SPATA16: variants seen among roughly 807,000 people sequenced by gnomAD.
SPATA16 encodes spermatogenesis-associated protein 16.
A neutral mutation model predicts 63.3 loss-of-function variants in SPATA16; 36 were observed. The ratio of observed to expected loss-of-function variants is 0.57; its 90% CI spans 0.44 to 0.75. SPATA16 has a LOEUF of 0.75. Ranked by LOEUF, SPATA16 falls within the 30% of genes least tolerant of loss-of-function variation. The probability of loss-of-function intolerance (pLI) is 0.00; values close to 1 mark genes in which losing one functional copy is unlikely to be tolerated. For synonymous variants in SPATA16, 203 were observed against 216.7 expected, an observed-to-expected ratio of 0.94 and a Z score of 0.56; for missense variants, 646 against 679.3, an observed-to-expected ratio of 0.95 and a Z score of 0.54.
intron 6 of SPATA16, among the ~76,000 whole-genome samples, chr3:172,932,276 G>T (rs1012888047): frequency 1.3e-5 from 2 of 152,156 alleles, no homozygotes; most frequent in African/African-American, 4.8e-5. Flanking sequence ...TTTTTAGAAA[G>T]ATGCAGATTT....
intron 10 of SPATA16, among the ~76,000 whole-genome samples, chr3:172,901,138 A>T (rs1470242427): frequency 6.6e-6 from 1 of 151,780 alleles, no homozygotes; most frequent in Non-Finnish European, 1.5e-5. Context: ...TGTGTTTTTC[A>T]CTTAAATGTG....
intron 9 of SPATA16, 141 bp from the exon 10 acceptor site, chr3:172,913,885 C>T (rs978413581): frequency 1.4e-5 from 10 of 734,072 alleles, no homozygotes; most frequent in African/African-American, 3.5e-5. Flanking sequence ...AATATTGCCA[C>T]CTCATCTTTG....
At chr3:172,982,933 A>AC (rs1734354687) in intron 4 of SPATA16, among the ~76,000 whole-genome samples, 1 of 151,096 alleles carries the variant, frequency 6.6e-6, no homozygotes, top group African/African-American at 2.5e-5. Context: ...ATATGGGTAA[A>AC]CAAAAAAAAA....
intron 2 of SPATA16, among the ~76,000 whole-genome samples, chr3:173,111,276 G>T (rs1022184364): frequency 6.6e-6 from 1 of 152,102 alleles, no homozygotes; most frequent in African/African-American, 2.4e-5. Context: ...CAGGCGTGGT[G>T]GCATGCGCCT....
At chr3:173,017,583 A>T (rs1735222303) in intron 4 of SPATA16, among the ~76,000 whole-genome samples, 1 of 152,206 alleles carries the variant, frequency 6.6e-6, no homozygotes, top group Admixed American at 6.5e-5. Flanking sequence ...TCAACAGTGT[A>T]GCTTCTCCCA....
At chr3:172,924,399 A>C in intron 7 of SPATA16, 82 bp from the exon 8 acceptor site, 1 of 1,022,554 alleles carries the variant, frequency 9.8e-7, no homozygotes, top group South Asian at 1.3e-5. Flanking sequence ...GCTATAAACG[A>C]ATATCTCAAT....
At chr3:173,072,919 C>T (rs1736707099) in intron 2 of SPATA16, among the ~76,000 whole-genome samples, 1 of 152,150 alleles carries the variant, frequency 6.6e-6, no homozygotes, top group Non-Finnish European at 1.5e-5. Flanking sequence ...ATGGCTTTGA[C>T]CAAAATGCTG....
chr3:173,138,148 G>A (rs962845591), intron 1 of SPATA16, among the ~76,000 whole-genome samples: 5 of 151,978 alleles, frequency 3.3e-5, no homozygotes, highest in African/African-American at 7.2e-5. Flanking sequence ...TTCGGTGATC[G>A]TTCAAGACAG....
intron 2 of SPATA16, among the ~76,000 whole-genome samples, chr3:173,113,926 T>C (rs1300589823): frequency 1.3e-5 from 2 of 152,168 alleles, no homozygotes; most frequent in East Asian, 3.9e-4. Flanking sequence ...ATGCCTGTAA[T>C]CCCAGCACTT....
chr3:173,110,638 AAGC>A (rs144234132), intron 2 of SPATA16, among the ~76,000 whole-genome samples: 2,794 of 152,288 alleles, frequency 0.018, 96 homozygotes, highest in African/African-American at 0.064. Context: ...TTCTATGTGA[AAGC>A]ACCTTATTAT....
chr3:173,008,140 G>C (rs1213197133), intron 4 of SPATA16, among the ~76,000 whole-genome samples: 1 of 152,116 alleles, frequency 6.6e-6, no homozygotes, highest in Non-Finnish European at 1.5e-5. Flanking sequence ...TTTACAACTA[G>C]AAGACAGGCT....
chr3:172,985,517 A>G (rs972574103), intron 4 of SPATA16, among the ~76,000 whole-genome samples: 1 of 152,212 alleles, frequency 6.6e-6, no homozygotes, highest in Non-Finnish European at 1.5e-5. Flanking sequence ...ATGCCAAAAT[A>G]TCAGGCATTT....
intron 5 of SPATA16, among the ~76,000 whole-genome samples, chr3:172,965,207 A>G (rs968606180): frequency 6.6e-6 from 1 of 151,130 alleles, no homozygotes; most frequent in African/African-American, 2.5e-5. Context: ...AACATGGTGA[A>G]TTTCACACAG....
Position 173,082,825 on chromosome 3 carries a change from T to C in SPATA16, c.613-33731A>G, listed in dbSNP as rs190738856. 9.9e-4 allele frequency among the ~76,000 whole-genome samples: 150 copies of C among 152,238 alleles called. 1 individual carries two copies. Among genetic ancestry groups the C allele is most frequent in the African/African-American group, 3.2e-3 (133 of 41,556 alleles). ...GTCCTTTTATGCTTGGATCTAAGGG[T>C]ACTAGTGCCTCGGACTGTCCAATCA... On this transcript the variant is annotated intron_variant, in intron 2 of 10. Transcript: ENST00000351008.
In SPATA16 at chr3:172,933,600, A is replaced by G. The variant is rs190567029; in HGVS notation, c.1082-8108T>C. Among the ~76,000 whole-genome samples, 3 of 152,334 alleles carry G rather than the reference A, an allele frequency of 2.0e-5. No individual in the cohort carries two copies. The East Asian group carries it at 5.8e-4, about 29-fold the overall frequency. On this transcript the variant is annotated intron_variant, in intron 6 of 10. Coordinates refer to ENST00000351008, the MANE Select transcript of SPATA16 (RefSeq NM_031955.6). Reference sequence around the variant, plus strand: ...GGAACACCAGGTAGAATTTGAGAATAAATTCTCAAGTTGACTGTGGAAACA... The same window carrying G: ...GGAACACCAGGTAGAATTTGAGAATGAATTCTCAAGTTGACTGTGGAAACA...
At chr3:173,125,351 G>A (rs531502986) in intron 1 of SPATA16, among the ~76,000 whole-genome samples, 1 of 152,276 alleles carries the variant, frequency 6.6e-6, no homozygotes, top group South Asian at 2.1e-4. Flanking sequence ...TCCTCACACA[G>A]CAACCCAAGT....
At chr3:173,067,903 C>T (rs1039629082) in intron 2 of SPATA16, among the ~76,000 whole-genome samples, 3 of 152,120 alleles carry the variant, frequency 2.0e-5, no homozygotes, top group African/African-American at 7.2e-5. Flanking sequence ...TTGTGATATG[C>T]CTAGCAGCAG....
chr3:173,090,672 G>C (rs1737199375), intron 2 of SPATA16, among the ~76,000 whole-genome samples: 2 of 152,194 alleles, frequency 1.3e-5, no homozygotes, highest in African/African-American at 4.8e-5. Context: ...AATTGCGGTA[G>C]CATTTTACCT....
Position 173,120,100 on chromosome 3 carries a change from A to G in SPATA16, c.-18-2351T>C, listed in dbSNP as rs566984127. Among the ~76,000 whole-genome samples, 208 of 148,240 alleles carry G rather than the reference A, an allele frequency of 1.4e-3. 1 individual carries two copies. The highest frequency in any genetic ancestry group is 4.0e-3 in the African/African-American group (151 of 37,912). ...GAAACTCCATCTCAAAAAAAAAAAA[A>G]AGAGAGAGAAAAAAAGAAAGAAACA... On this transcript the variant is annotated intron_variant, in intron 1 of 10. Coordinates refer to ENST00000351008, the MANE Select transcript of SPATA16 (RefSeq NM_031955.6).
Sources: allele counts gnomAD v4.1 joint callset (sites outside exome capture counted in the v4.1 genomes callset), GRCh38; gene constraint gnomAD v4.1.1; transcripts MANE v1.5; gene names NCBI Gene and HGNC (gene_info 2026-07-23, HGNC 2026-07-21).